Variants in ADGRV1 observed in about 807,000 individuals in gnomAD.
ADGRV1 encodes the protein adhesion G protein-coupled receptor V1, also known as G-protein coupled receptor 98.
ADGRV1 carries 359 observed loss-of-function variants against 596.2 expected under a neutral mutation model. The ratio of observed to expected loss-of-function variants is 0.60; its 90% CI spans 0.55 to 0.66. ADGRV1 has a LOEUF of 0.66. Ranked by LOEUF, ADGRV1 falls within the 30% of genes least tolerant of loss-of-function variation. The probability of loss-of-function intolerance (pLI) is 0.00; values close to 1 mark genes in which losing one functional copy is unlikely to be tolerated. For synonymous variants in ADGRV1, 2,681 were observed against 2,679.2 expected (o/e 1.00, Z -0.02); for missense variants, 7,274 against 7,575.6 (o/e 0.96, Z 1.48).
At chr5:90,915,286 A>C (rs1485444900) in intron 83 of ADGRV1, among the ~76,000 whole-genome samples, 1 of 152,226 alleles carries the variant, frequency 6.6e-6, no homozygotes, top group Non-Finnish European at 1.5e-5. Context: ...AACAGCAAGT[A>C]AAGAATTTAA....
chr5:90,749,971 C>T (rs1315823949), intron 52 of ADGRV1, among the ~76,000 whole-genome samples: 2 of 152,164 alleles, frequency 1.3e-5, no homozygotes, highest in African/African-American at 4.8e-5. Flanking sequence ...GGCAGAAGAG[C>T]CCACAGAAAC....
intron 83 of ADGRV1, among the ~76,000 whole-genome samples, chr5:90,960,285 G>A (rs1198448713): frequency 1.3e-5 from 2 of 152,070 alleles, no homozygotes; most frequent in Non-Finnish European, 2.9e-5. Context: ...TGGCTTCACA[G>A]GTGCAAAAAC....
intron 1 of ADGRV1, among the ~76,000 whole-genome samples, chr5:90,596,237 C>T (rs1760552116): frequency 6.6e-6 from 1 of 151,220 alleles, no homozygotes; most frequent in Non-Finnish European, 1.5e-5. Context: ...GTGATGGCGG[C>T]CGGGAAGAGG....
rs372867208 is a variant in ADGRV1, at chr5:90,916,294, T to G, written c.17857-49121T>G. Among the ~76,000 whole-genome samples, 20 of 152,304 alleles carry G rather than the reference T, an allele frequency of 1.3e-4. 1 individual carries two copies. In the East Asian group the frequency reaches 2.7e-3, roughly 21 times the overall value. On this transcript the variant is annotated intron_variant, in intron 83 of 89. Transcript: ENST00000405460. The stretch of plus-strand genomic sequence containing the variant: ...TTTTCATTTCATTTTAAATGACAAT[T>G]TAATAACTGACTTAACATTTAAATA...
At chr5:90,935,507 A>G (rs1403549947) in intron 83 of ADGRV1, among the ~76,000 whole-genome samples, 1 of 152,176 alleles carries the variant, frequency 6.6e-6, no homozygotes, top group Non-Finnish European at 1.5e-5. Flanking sequence ...TTTGCTTTCT[A>G]ATATAGAGAA....
chr5:90,763,234 A>T (rs966926354), intron 58 of ADGRV1, 71 bp from the exon 59 acceptor site: 1 of 1,182,886 alleles, frequency 8.5e-7, no homozygotes. Flanking sequence ...AACAGAAATA[A>T]GATTCTACTT....
At chr5:90,799,299 C>A (rs1761096498) in intron 70 of ADGRV1, among the ~76,000 whole-genome samples, 2 of 152,040 alleles carry the variant, frequency 1.3e-5, no homozygotes, top group South Asian at 2.1e-4. Context: ...AAACAGAGAG[C>A]CAGATCACGA....
intron 1 of ADGRV1, among the ~76,000 whole-genome samples, chr5:90,589,606 G>A (rs1759213603): frequency 6.6e-6 from 1 of 152,136 alleles, no homozygotes; most frequent in South Asian, 2.1e-4. Context: ...CATTTGACAT[G>A]TATGAAACAT....
intron 83 of ADGRV1, among the ~76,000 whole-genome samples, chr5:90,965,158 A>G (rs186748372): frequency 2.5e-4 from 38 of 152,278 alleles, no homozygotes; most frequent in African/African-American, 8.4e-4. Context: ...AACAAGGTTT[A>G]CTTTGAGAAT....
intron 9 of ADGRV1, 171 bp downstream of exon 9, chr5:90,629,710 A>G: frequency 5.8e-6 from 3 of 520,642 alleles, no homozygotes; most frequent in Non-Finnish European, 6.8e-6. Flanking sequence ...CTCCTAAGGT[A>G]TATAAGTATA....
chr5:91,092,921 T>G (rs751310028), intron 86 of ADGRV1, among the ~76,000 whole-genome samples: 24 of 152,208 alleles, frequency 1.6e-4, no homozygotes, highest in Admixed American at 5.9e-4. Context: ...ATGTGCCTGA[T>G]GCCCGGCCTT....
intron 32 of ADGRV1, 81 bp downstream of exon 32, chr5:90,692,867 C>T: frequency 9.1e-7 from 1 of 1,093,250 alleles, no homozygotes; most frequent in Non-Finnish European, 1.3e-6. Context: ...ACAGTTAAAT[C>T]ATTTAGGTTT....
At chr5:90,931,433 C>T (rs1775243460) in intron 83 of ADGRV1, among the ~76,000 whole-genome samples, 1 of 152,200 alleles carries the variant, frequency 6.6e-6, no homozygotes, top group South Asian at 2.1e-4. Context: ...GAGCTAGATA[C>T]ATTCAAATAG....
intron 89 of ADGRV1, among the ~76,000 whole-genome samples, chr5:91,158,939 C>G (rs1341552182): frequency 1.3e-5 from 2 of 152,020 alleles, no homozygotes; most frequent in African/African-American, 2.4e-5. Flanking sequence ...CTAGGCCTTT[C>G]AATAGCCACT....
At chr5:90,733,831 C>T (rs969570464) in intron 50 of ADGRV1, among the ~76,000 whole-genome samples, 18 of 152,132 alleles carry the variant, frequency 1.2e-4, no homozygotes, top group African/African-American at 4.3e-4. Context: ...ATATACTATA[C>T]ATTATTATTG....
At chr5:91,091,583 A>G (rs910734481) in intron 86 of ADGRV1, 4 of 152,132 alleles carry the variant, frequency 2.6e-5, no homozygotes, top group Non-Finnish European at 5.9e-5. Flanking sequence ...ATAAACAACT[A>G]TGTAAATTGT....
intron 1 of ADGRV1, among the ~76,000 whole-genome samples, chr5:90,564,689 C>T (rs1205265956): frequency 4.2e-4 from 11 of 26,444 alleles, no homozygotes; most frequent in African/African-American, 9.4e-4. Context: ...TGCAGTGGCG[C>T]GATCTCGGCT....
chr5:90,802,733 T>A lies in ADGRV1; in HGVS notation c.14518-6T>A, dbSNP rs777204475. On this transcript the variant is annotated splice_polypyrimidine_tract_variant and splice_region_variant and intron_variant, in intron 70 of 89. Coordinates refer to ENST00000405460, the MANE Select transcript of ADGRV1 (RefSeq NM_032119.4). ...TTTCTAAATCACTGACACTGTTTGT[T>A]TATAGGTCTTCCTATCACTGGGCTC... is the stretch of plus-strand genomic sequence containing the variant. 7 of 1,609,168 alleles carry A rather than the reference T, an allele frequency of 4.4e-6. No individual in the cohort carries two copies. The highest frequency in any genetic ancestry group is 5.9e-6 in the Non-Finnish European group (7 of 1,177,206).
intron 21 of ADGRV1, among the ~76,000 whole-genome samples, chr5:90,663,108 G>T (rs1425783612): frequency 1.3e-5 from 2 of 150,398 alleles, no homozygotes; most frequent in Non-Finnish European, 2.9e-5. Context: ...ATGATTTACA[G>T]TCCTTTGGGT....
Sources: allele counts gnomAD v4.1 joint callset (sites outside exome capture counted in the v4.1 genomes callset), GRCh38; gene constraint gnomAD v4.1.1; transcripts MANE v1.5; gene names NCBI Gene and HGNC (gene_info 2026-07-23, HGNC 2026-07-21).